ANKRD12: variants seen among roughly 807,000 people sequenced by gnomAD.
ANKRD12 encodes ankyrin repeat domain-containing protein 12.
Under a neutral mutation model 183.4 loss-of-function variants are expected in ANKRD12, and 85 were observed. That is an observed-to-expected ratio of 0.46 (90% CI 0.39 to 0.56). ANKRD12 has a LOEUF of 0.56. ANKRD12 is among the 20% of genes least tolerant of loss of function. ANKRD12 has a pLI of 0.00. For missense variants in ANKRD12, 2,405 were observed against 2,357.1 expected, an observed-to-expected ratio of 1.02 and a Z score of -0.42; for synonymous variants, 914 against 800.2, an observed-to-expected ratio of 1.14 and a Z score of -2.40.
In ANKRD12 at chr18:9,255,549, C is replaced by A; in HGVS notation, c.2282C>A (p.Ser761Tyr). 1 of 1,574,794 alleles carries A rather than the reference C, an allele frequency of 6.4e-7. No individual in the cohort carries two copies. The highest frequency in any genetic ancestry group is 8.5e-7 in the Non-Finnish European group (1 of 1,169,672). ...AAGATTAAAAAGGAAAGCGAGAAAT[C>A]TTTTAGGGAGGAAAAAATAAAAGAT... is the stretch of plus-strand genomic sequence containing the variant. ...RDKIKKESEKSFREEKIKDLK... is the reference protein window; with the variant it reads ...RDKIKKESEKYFREEKIKDLK... The change falls in exon 9 of 13, where the codon TCT (serine) becomes TAT (tyrosine). Residue 761 changes from serine (S) to tyrosine (Y), a missense_variant. Physicochemically the swap from Ser to Tyr is moderately radical, Grantham distance 144. This residue lies in a region of ANKRD12 where 1,983 missense variants were observed against 1,725.9 expected (regional missense o/e 1.15). Transcript: ENST00000262126.
intron 1 of ANKRD12, among the ~76,000 whole-genome samples, chr18:9,162,292 G>A (rs1010435435): frequency 1.4e-5 from 2 of 147,670 alleles, no homozygotes; most frequent in African/African-American, 5.2e-5. Context: ...GTGAGAACAT[G>A]TGGTGTTTGG....
At chr18:9,261,058 G>C (rs544425292) in intron 9 of ANKRD12, among the ~76,000 whole-genome samples, 2 of 152,050 alleles carry the variant, frequency 1.3e-5, no homozygotes, top group South Asian at 2.1e-4. Context: ...TATTGGGCCA[G>C]TCACTAGTAT....
At chr18:9,239,085 A>G (rs1825830738) in intron 8 of ANKRD12, among the ~76,000 whole-genome samples, 1 of 152,230 alleles carries the variant, frequency 6.6e-6, no homozygotes, top group Non-Finnish European at 1.5e-5. Flanking sequence ...TGTTTGCACC[A>G]CTGTACTCCA....
intron 1 of ANKRD12, among the ~76,000 whole-genome samples, chr18:9,147,408 CCTAT>C (rs1008348851): frequency 6.6e-6 from 1 of 151,186 alleles, no homozygotes; most frequent in Non-Finnish European, 1.5e-5. Context: ...GCTGCAATAG[CCTAT>C]CTTTTGTGGG....
At chr18:9,220,522 A>G (rs1216710541) in intron 7 of ANKRD12, among the ~76,000 whole-genome samples, 1 of 152,222 alleles carries the variant, frequency 6.6e-6, no homozygotes, top group African/African-American at 2.4e-5. Context: ...GATGACTCCC[A>G]AATTCTGGCT....
chr18:9,235,782 G>A, intron 8 of ANKRD12: 2 of 421,752 alleles, frequency 4.7e-6, no homozygotes, highest in South Asian at 3.3e-5. Context: ...AAAAGAAACA[G>A]AAGAAGACCA....
At chr18:9,212,027 T>C (rs924560029) in intron 6 of ANKRD12, among the ~76,000 whole-genome samples, 1 of 152,132 alleles carries the variant, frequency 6.6e-6, no homozygotes, top group Non-Finnish European at 1.5e-5. Flanking sequence ...ACTTGCTGTA[T>C]AGTTCTTTAT....
intron 8 of ANKRD12, among the ~76,000 whole-genome samples, chr18:9,238,749 C>T (rs2037489397): frequency 6.6e-6 from 1 of 152,146 alleles, no homozygotes; most frequent in Non-Finnish European, 1.5e-5. Flanking sequence ...ACTGAGAGTC[C>T]TTTGAACGTT....
intron 6 of ANKRD12, 71 bp from the exon 7 acceptor site, chr18:9,216,687 G>T: frequency 6.9e-7 from 1 of 1,454,896 alleles, no homozygotes; most frequent in Non-Finnish European, 9.4e-7. Context: ...TCACACATTG[G>T]TATGTATATG....
intron 9 of ANKRD12, among the ~76,000 whole-genome samples, chr18:9,260,942 C>T (rs796334230): frequency 4.6e-5 from 7 of 152,300 alleles, no homozygotes; most frequent in African/African-American, 1.7e-4. Flanking sequence ...TACCCAATGA[C>T]CTGCTTCTCT....
intron 4 of ANKRD12, 57 bp from the exon 5 acceptor site, chr18:9,208,600 T>A: frequency 6.7e-7 from 1 of 1,496,404 alleles, no homozygotes; most frequent in Non-Finnish European, 9.0e-7. Context: ...CATCTTAAAC[T>A]TGCTTTTGAG....
At chr18:9,178,321 T>C (rs1018656045) in intron 1 of ANKRD12, among the ~76,000 whole-genome samples, 4 of 69,030 alleles carry the variant, frequency 5.8e-5, no homozygotes, top group Non-Finnish European at 1.4e-4. Flanking sequence ...AGGATCAAGA[T>C]TCTCTCTCTC....
Position 9,281,852 on chromosome 18 carries a change from C to T in ANKRD12, c.*726C>T, listed in dbSNP as rs150720424. On this transcript the variant is annotated 3_prime_UTR_variant, in exon 13 of 13. Coordinates refer to ENST00000262126, the MANE Select transcript of ANKRD12 (RefSeq NM_015208.5). ...TACAGCATGCAGGTGTTTCAGTTAG[C>T]TTGTTTTCATCACCATAACTGCAAA... 520 of 152,722 alleles carry T rather than the reference C, an allele frequency of 3.4e-3. 1 individual carries two copies. The highest frequency in any genetic ancestry group is 0.02 in the Middle Eastern group (6 of 294). The allele number at this position is 152,722 out of a possible 1,614,324, so 9.5% of individuals were successfully genotyped here. A position where few individuals can be genotyped will look rare whatever the true frequency, so the allele number is the denominator to read the frequency against.
At chr18:9,250,555 C>CA (rs1339728624) in intron 8 of ANKRD12, among the ~76,000 whole-genome samples, 4 of 151,930 alleles carry the variant, frequency 2.6e-5, no homozygotes, top group Non-Finnish European at 5.9e-5. Flanking sequence ...CTCATCTCCA[C>CA]AAAAAAAGAA....
At chr18:9,232,859 T>C (rs2037131862) in intron 8 of ANKRD12, among the ~76,000 whole-genome samples, 1 of 151,274 alleles carries the variant, frequency 6.6e-6, no homozygotes, top group African/African-American at 2.4e-5. Context: ...TTTGTTGTTG[T>C]TGTTGTTTAA....
At chr18:9,168,642 C>G (rs974822771) in intron 1 of ANKRD12, among the ~76,000 whole-genome samples, 32 of 152,042 alleles carry the variant, frequency 2.1e-4, no homozygotes, top group Non-Finnish European at 2.1e-4. Context: ...AGTGGTCTAT[C>G]AATTTTGTTG....
intron 8 of ANKRD12, among the ~76,000 whole-genome samples, chr18:9,246,525 A>G (rs772767432): frequency 6.6e-6 from 1 of 152,170 alleles, no homozygotes; most frequent in Non-Finnish European, 1.5e-5. Flanking sequence ...CCCTTATTCT[A>G]AAGGACCACA....
intron 4 of ANKRD12, among the ~76,000 whole-genome samples, chr18:9,208,443 A>C (rs1055187115): frequency 6.6e-6 from 1 of 152,192 alleles, no homozygotes; most frequent in African/African-American, 2.4e-5. Context: ...TTCTGAAAAC[A>C]GTGGAATTAA....
At chr18:9,191,731 G>T (rs1363111567) in intron 2 of ANKRD12, among the ~76,000 whole-genome samples, 1 of 152,116 alleles carries the variant, frequency 6.6e-6, no homozygotes, top group Non-Finnish European at 1.5e-5. Flanking sequence ...AGTTCCTAGA[G>T]ATAATAAACT....
Sources: allele counts gnomAD v4.1 joint callset (sites outside exome capture counted in the v4.1 genomes callset), GRCh38; gene constraint gnomAD v4.1.1; regional missense constraint gnomAD v4.1.1; transcripts MANE v1.5; gene names NCBI Gene and HGNC (gene_info 2026-07-23, HGNC 2026-07-21).